The following NRG2 variants were observed in gnomAD, a reference collection of about 807,000 sequenced individuals.
NRG2 encodes the protein neuregulin 2, also known as pro-neuregulin-2, membrane-bound isoform.
In NRG2, 27 loss-of-function variants were observed where a neutral mutation model predicts 73.9. The ratio of observed to expected loss-of-function variants is 0.37; its 90% CI spans 0.27 to 0.50. NRG2 has a LOEUF of 0.50. Ranked by LOEUF, NRG2 falls within the 20% of genes least tolerant of loss-of-function variation. The pLI is 0.96. For missense variants in NRG2, 1,126 were observed against 1,210.1 expected (o/e 0.93, Z 1.03); for synonymous variants, 532 against 541.0 (o/e 0.98, Z 0.23).
intron 1 of NRG2, among the ~76,000 whole-genome samples, chr5:139,990,258 A>G: frequency 6.6e-6 from 1 of 151,454 alleles, no homozygotes; most frequent in South Asian, 2.1e-4. Flanking sequence ...TCACCAGTTT[A>G]CATTCCCACT....
At chr5:139,914,246 T>C (rs1751068831) in intron 1 of NRG2, among the ~76,000 whole-genome samples, 1 of 152,082 alleles carries the variant, frequency 6.6e-6, no homozygotes, top group Non-Finnish European at 1.5e-5. Flanking sequence ...AGCAGAAAGG[T>C]CTGGAGGTGG....
chr5:139,984,718 G>A (rs1343485693), intron 1 of NRG2, among the ~76,000 whole-genome samples: 1 of 152,102 alleles, frequency 6.6e-6, no homozygotes, highest in Non-Finnish European at 1.5e-5. Context: ...TTAGGTCAGG[G>A]GAAGTTAGCC....
intron 1 of NRG2, among the ~76,000 whole-genome samples, chr5:139,986,520 C>T (rs1757184986): frequency 1.3e-5 from 2 of 152,150 alleles, no homozygotes; most frequent in Admixed American, 1.3e-4. Context: ...TTTAGATGAG[C>T]AGGGAGAAAT....
chr5:140,001,201 C>T (rs1413194604), intron 1 of NRG2, among the ~76,000 whole-genome samples: 1 of 152,116 alleles, frequency 6.6e-6, no homozygotes, highest in African/African-American at 2.4e-5. Flanking sequence ...AGCTTGTTTT[C>T]CTTTGTGTCC....
intron 9 of NRG2, among the ~76,000 whole-genome samples, chr5:139,850,752 C>A (rs1761365066): frequency 6.6e-6 from 1 of 152,186 alleles, no homozygotes; most frequent in Non-Finnish European, 1.5e-5. Flanking sequence ...GTTCTTACTA[C>A]ATCCACTGCT....
intron 1 of NRG2, among the ~76,000 whole-genome samples, chr5:139,985,821 C>T (rs1254813759): frequency 6.6e-6 from 1 of 152,118 alleles, no homozygotes; most frequent in East Asian, 1.9e-4. Context: ...GAGCCCTAAT[C>T]AGCTCCTCTC....
intron 1 of NRG2, among the ~76,000 whole-genome samples, chr5:140,014,235 T>A (rs1759595327): frequency 1.2e-5 from 1 of 84,470 alleles, no homozygotes; most frequent in African/African-American, 6.6e-5. Flanking sequence ...AAAGCTTGGA[T>A]TTTTTTTTCC....
At chr5:139,985,395 G>A (rs1362622994) in intron 1 of NRG2, among the ~76,000 whole-genome samples, 1 of 151,552 alleles carries the variant, frequency 6.6e-6, no homozygotes, top group Non-Finnish European at 1.5e-5. Flanking sequence ...AAGAGTGCCT[G>A]GCCTTTCTCC....
chr5:139,924,067 G>C (rs1193854702), intron 1 of NRG2, among the ~76,000 whole-genome samples: 1 of 152,188 alleles, frequency 6.6e-6, no homozygotes, highest in Non-Finnish European at 1.5e-5. Flanking sequence ...AACCTGGCCT[G>C]GTCCAGCCCT....
chr5:140,015,356 T>C (rs2560711), intron 1 of NRG2, among the ~76,000 whole-genome samples: 34,559 of 152,010 alleles, frequency 0.23, 4,178 homozygotes, highest in African/African-American at 0.28. Context: ...ATAAGCCCAA[T>C]GTAATGCCTA....
At chr5:140,012,704 G>A (rs1254855967) in intron 1 of NRG2, among the ~76,000 whole-genome samples, 1 of 152,096 alleles carries the variant, frequency 6.6e-6, no homozygotes, top group Non-Finnish European at 1.5e-5. Context: ...ATCTTAACAG[G>A]ATTTAAATTC....
chr5:139,946,046 C>T (rs1247543930), intron 1 of NRG2, among the ~76,000 whole-genome samples: 3 of 152,034 alleles, frequency 2.0e-5, no homozygotes, highest in Admixed American at 6.5e-5. Context: ...TTCCCCAGAT[C>T]GATCTACAGA....
intron 1 of NRG2, among the ~76,000 whole-genome samples, chr5:139,906,298 G>A (rs1278813242): frequency 4.6e-5 from 7 of 152,098 alleles, no homozygotes; most frequent in South Asian, 4.1e-4. Flanking sequence ...GAGCCACCGC[G>A]CCCGGCCCAG....
At chr5:139,958,107 T>A (rs1034651797) in intron 1 of NRG2, among the ~76,000 whole-genome samples, 2 of 152,034 alleles carry the variant, frequency 1.3e-5, no homozygotes, top group African/African-American at 4.8e-5. Context: ...CCCATTCAAT[T>A]CATCTTACAA....
At chr5:139,992,882 G>T (rs1029237240) in intron 1 of NRG2, among the ~76,000 whole-genome samples, 2 of 151,796 alleles carry the variant, frequency 1.3e-5, no homozygotes, top group Non-Finnish European at 2.9e-5. Flanking sequence ...CTCATAGTTC[G>T]CTCACCCAGC....
rs1287575831 is a variant in NRG2, at chr5:139,851,014, G to A, written c.1772+590C>T. 6.6e-6 allele frequency among the ~76,000 whole-genome samples: 1 copy of A among 151,186 alleles called. No individual in the cohort carries two copies. Among genetic ancestry groups the A allele is most frequent in the African/African-American group, 2.4e-5 (1 of 41,048 alleles). ...TTTTTTTTTTCTTTTTGTAAAGGGA[G>A]TCTTGCTCTGTTGCTGAGGTTGGAG... is the stretch of plus-strand genomic sequence containing the variant. On this transcript the variant is annotated intron_variant, in intron 9 of 9. Coordinates refer to ENST00000361474, the MANE Select transcript of NRG2 (RefSeq NM_004883.3). This position sits in a 1 kb window ranked among gnomAD's most constrained non-coding sequence, Gnocchi z 4.2.
In NRG2 at chr5:139,856,068, G is replaced by C. The variant is rs191257395; in HGVS notation, c.1190-290C>G. The C allele has an allele frequency of 4.5e-4, 193 of 430,610 alleles. No homozygotes were observed. The East Asian group carries it at 7.2e-3, about 16-fold the overall frequency. 26.7% of individuals were successfully genotyped at this position (430,610 alleles called of 1,614,324 possible). On this transcript the variant is annotated intron_variant, in intron 5 of 9. Transcript: ENST00000361474. This position sits in a 1 kb window ranked among gnomAD's most constrained non-coding sequence, Gnocchi z 4.2. ...AGAGCACATGAGTGGAAAATGCAGG[G>C]GAATGGGAAGGGATGGAGTGGAGGC...
At chr5:139,897,444 A>T (rs1443167138) in intron 1 of NRG2, among the ~76,000 whole-genome samples, 3 of 152,114 alleles carry the variant, frequency 2.0e-5, no homozygotes, top group Admixed American at 6.5e-5. Flanking sequence ...CCCAGCTAGA[A>T]GCAGTCTCTG....
At chr5:139,991,142 G>A (rs1056905581) in intron 1 of NRG2, among the ~76,000 whole-genome samples, 4 of 151,764 alleles carry the variant, frequency 2.6e-5, no homozygotes, top group South Asian at 4.2e-4. Context: ...GGCATGGTGT[G>A]GGGGGGTGCC....
Sources: allele counts gnomAD v4.1 joint callset (sites outside exome capture counted in the v4.1 genomes callset), GRCh38; gene constraint gnomAD v4.1.1; non-coding constraint Gnocchi (gnomAD v3.1); transcripts MANE v1.5; gene names NCBI Gene and HGNC (gene_info 2026-07-23, HGNC 2026-07-21).